HOMER1: variants seen among roughly 807,000 people sequenced by gnomAD.
The protein encoded by HOMER1 is homer scaffold protein 1.
A neutral mutation model predicts 48.9 loss-of-function variants in HOMER1; 3 were observed. The ratio of observed to expected loss-of-function variants is 0.06; its 90% CI spans 0.03 to 0.16. The LOEUF (loss-of-function observed/expected upper bound fraction) is 0.16. Ranked by LOEUF, HOMER1 falls within the 10% of genes least tolerant of loss-of-function variation. The pLI is 1.00. For synonymous variants in HOMER1, 134 were observed against 146.4 expected, an observed-to-expected ratio of 0.92 and a Z score of 0.61; for missense variants, 247 against 411.4, an observed-to-expected ratio of 0.60 and a Z score of 3.46.
At chr5:79,455,002 C>T (rs1026129853) in intron 2 of HOMER1, among the ~76,000 whole-genome samples, 4 of 152,084 alleles carry the variant, frequency 2.6e-5, no homozygotes, top group Non-Finnish European at 5.9e-5. Context: ...GACAGGGTCT[C>T]GCTCTGGATA....
intron 1 of HOMER1, among the ~76,000 whole-genome samples, chr5:79,477,165 A>G (rs1751802976): frequency 2.6e-5 from 4 of 152,248 alleles, no homozygotes; most frequent in Admixed American, 6.5e-5. Flanking sequence ...TGGACAAAAA[A>G]CAATAGATAT....
At chr5:79,431,755 C>A (rs1272129491) in intron 5 of HOMER1, among the ~76,000 whole-genome samples, 1 of 152,094 alleles carries the variant, frequency 6.6e-6, no homozygotes, top group Non-Finnish European at 1.5e-5. Context: ...AACAAAAGTA[C>A]AATGTACATT....
chr5:79,493,000 C>T (rs953465799), intron 1 of HOMER1, among the ~76,000 whole-genome samples: 1 of 145,158 alleles, frequency 6.9e-6, no homozygotes, highest in Non-Finnish European at 1.5e-5. Flanking sequence ...CTCAATGTAA[C>T]CTCCGCCTTC....
In HOMER1 at chr5:79,374,871, T is replaced by C. The variant is rs1748726458; in HGVS notation, c.*1138A>G. ...AATACCTAGTTAACAATTCAGAATA[T>C]TGCCTTGTGAGGTTTGAATCAAGAT... On this transcript the variant is annotated 3_prime_UTR_variant, in exon 9 of 9. Transcript: ENST00000334082. 1 of 152,080 alleles carries C rather than the reference T, an allele frequency of 6.6e-6. No individual in the cohort carries two copies. Among genetic ancestry groups the C allele is most frequent in the African/African-American group, 2.4e-5 (1 of 41,450 alleles). 9.4% of individuals were successfully genotyped at this position (152,080 alleles called of 1,614,324 possible). A position where few individuals can be genotyped will look rare whatever the true frequency, so the allele number is the denominator to read the frequency against.
At chr5:79,432,827 T>C (rs1750461300) in intron 5 of HOMER1, among the ~76,000 whole-genome samples, 2 of 144,960 alleles carry the variant, frequency 1.4e-5, no homozygotes, top group Non-Finnish European at 3.1e-5. Flanking sequence ...TAAAATACTA[T>C]TGTTCACAAT....
At chr5:79,500,195 T>G (rs1752538082) in intron 1 of HOMER1, among the ~76,000 whole-genome samples, 1 of 152,162 alleles carries the variant, frequency 6.6e-6, no homozygotes, top group African/African-American at 2.4e-5. Context: ...CCTTTTTATC[T>G]CATATTGAAA....
chr5:79,417,684 T>C (rs1749982820), intron 5 of HOMER1, among the ~76,000 whole-genome samples: 1 of 152,230 alleles, frequency 6.6e-6, no homozygotes, highest in East Asian at 1.9e-4. Context: ...CATTATAATC[T>C]ATTAAAGATA....
At chr5:79,407,320 A>G (rs1433225455) in intron 5 of HOMER1, among the ~76,000 whole-genome samples, 2 of 142,358 alleles carry the variant, frequency 1.4e-5, no homozygotes, top group Admixed American at 6.8e-5. Flanking sequence ...AAAAAGCAAG[A>G]AAAAAAAAAC....
At chr5:79,405,452 G>A (rs2112225615) in intron 5 of HOMER1, among the ~76,000 whole-genome samples, 1 of 152,262 alleles carries the variant, frequency 6.6e-6, no homozygotes, top group Middle Eastern at 3.4e-3. Flanking sequence ...CCATCTTCCT[G>A]AATTGAAGTA....
chr5:79,478,993 G>T (rs1175663878), intron 1 of HOMER1, among the ~76,000 whole-genome samples: 4 of 152,078 alleles, frequency 2.6e-5, no homozygotes, highest in Admixed American at 6.6e-5. Flanking sequence ...TTTTAATATG[G>T]CCTATTTTAG....
At chr5:79,411,769 T>C (rs374520016) in intron 5 of HOMER1, among the ~76,000 whole-genome samples, 1 of 152,188 alleles carries the variant, frequency 6.6e-6, no homozygotes, top group African/African-American at 2.4e-5. Flanking sequence ...TTTTTAGGCA[T>C]GTTAATTATG....
intron 5 of HOMER1, among the ~76,000 whole-genome samples, chr5:79,428,625 C>A (rs1488289941): frequency 6.6e-6 from 1 of 152,088 alleles, no homozygotes; most frequent in Non-Finnish European, 1.5e-5. Flanking sequence ...CAACAATCAT[C>A]CTTCCATATA....
chr5:79,430,064 A>T (rs1159274342), intron 5 of HOMER1, among the ~76,000 whole-genome samples: 1 of 150,118 alleles, frequency 6.7e-6, no homozygotes, highest in African/African-American at 2.5e-5. Flanking sequence ...CAAAGCACCA[A>T]GAAAAAAAAA....
At chr5:79,394,673 G>A (rs141916988) in intron 8 of HOMER1, among the ~76,000 whole-genome samples, 2 of 152,106 alleles carry the variant, frequency 1.3e-5, no homozygotes, top group Admixed American at 6.6e-5. Flanking sequence ...CAACTCAAGC[G>A]AGGCTCAAGT....
At chr5:79,482,529 A>AT (rs1460969703) in intron 1 of HOMER1, among the ~76,000 whole-genome samples, 1 of 152,160 alleles carries the variant, frequency 6.6e-6, no homozygotes, top group Non-Finnish European at 1.5e-5. Flanking sequence ...CAGATAAGGC[A>AT]TTACAGAAAA....
intron 5 of HOMER1, among the ~76,000 whole-genome samples, chr5:79,434,427 C>A (rs1349095192): frequency 1.3e-5 from 2 of 151,842 alleles, no homozygotes; most frequent in Middle Eastern, 6.8e-3. Flanking sequence ...AGAACAAAAC[C>A]TTCCCTCTTA....
chr5:79,423,238 G>T (rs1200711432), intron 5 of HOMER1, among the ~76,000 whole-genome samples: 1 of 152,214 alleles, frequency 6.6e-6, no homozygotes, highest in South Asian at 2.1e-4. Context: ...GTTGCATTCT[G>T]GTTTCTTTTT....
At chr5:79,500,929 G>T (rs182846013) in intron 1 of HOMER1, among the ~76,000 whole-genome samples, 74 of 98,110 alleles carry the variant, frequency 7.5e-4, no homozygotes, top group South Asian at 7.3e-4. Context: ...CCAGCCATTT[G>T]TGTGTGTGTG....
intron 1 of HOMER1, among the ~76,000 whole-genome samples, chr5:79,507,847 C>T (rs1752822202): frequency 6.6e-6 from 1 of 152,194 alleles, no homozygotes. Flanking sequence ...CCTTAACTCC[C>T]AAATTCACTA....
Sources: gnomAD v4.1 joint callset for allele counts (sites outside exome capture counted in the v4.1 genomes callset) on GRCh38, gnomAD v4.1.1 for gene constraint, MANE v1.5 for transcripts, NCBI Gene and HGNC (gene_info 2026-07-23, HGNC 2026-07-21) for gene names.